Variants in ENTPD6 observed in about 807,000 individuals in gnomAD.
The protein encoded by ENTPD6 is ectonucleoside triphosphate diphosphohydrolase 6, also known as CD39 antigen-like 2.
ENTPD6 carries 46 observed loss-of-function variants against 61.5 expected under a neutral mutation model. The observed-to-expected ratio is 0.75, with a 90% confidence interval of 0.59 to 0.96. ENTPD6 has a LOEUF of 0.96. Among genes scored for constraint, ENTPD6 ranks in the 40% least tolerant of loss-of-function variants. The pLI is 0.00. For missense variants in ENTPD6, 612 were observed against 629.0 expected (o/e 0.97, Z 0.29); for synonymous variants, 252 against 255.5 (o/e 0.99, Z 0.13).
intron 14 of ENTPD6, 38 bp from the exon 15 acceptor site, chr20:25,225,461 C>T (rs754610024): frequency 1.3e-6 from 2 of 1,599,828 alleles, no homozygotes; most frequent in South Asian, 1.1e-5. Flanking sequence ...GCTTTCCTGT[C>T]TGTGTGATGG....
intron 13 of ENTPD6, 105 bp from the exon 14 acceptor site, chr20:25,225,100 C>A: frequency 1.3e-6 from 2 of 1,488,938 alleles, no homozygotes; most frequent in Non-Finnish European, 1.8e-6. Context: ...ATCCGGAGTG[C>A]GGAGCCAGCG....
At chr20:25,219,930 A>C (rs2092554899) in intron 10 of ENTPD6, among the ~76,000 whole-genome samples, 1 of 152,226 alleles carries the variant, frequency 6.6e-6, no homozygotes, top group African/African-American at 2.4e-5. Flanking sequence ...TCTCAGAAAC[A>C]GCTGCAGCCC....
chr20:25,223,987 A>C, intron 12 of ENTPD6, 114 bp from the exon 13 acceptor site: 1 of 930,334 alleles, frequency 1.1e-6, no homozygotes, highest in Non-Finnish European at 1.6e-6. Context: ...CTGCCTCAGA[A>C]GCCAGTCAGT....
chr20:25,224,202 G>A (rs768113305), intron 13 of ENTPD6, 45 bp downstream of exon 13: 9 of 1,563,082 alleles, frequency 5.8e-6, no homozygotes, highest in East Asian at 4.5e-5. Context: ...CAGGCGCCCC[G>A]TGATGCTCGT....
intron 1 of ENTPD6, among the ~76,000 whole-genome samples, chr20:25,196,493 A>G (rs1175657369): frequency 3.9e-5 from 6 of 152,200 alleles, no homozygotes; most frequent in Non-Finnish European, 8.8e-5. Flanking sequence ...GGGAGGGCCC[A>G]GGGGAGCGTG....
In ENTPD6 at chr20:25,225,910, CCA is replaced by C. The variant is rs1351532974; in HGVS notation, c.*314_*315del. 3.7e-6 allele frequency: 1 copy of C among 271,076 alleles called. No individual in the cohort carries two copies. Among genetic ancestry groups the C allele is most frequent in the African/African-American group, 2.2e-5 (1 of 45,296 alleles). The allele number at this position is 271,076 out of a possible 1,614,324, so 16.8% of individuals were successfully genotyped here. ...GTGTGGCTCCCTGCCTGTCCCATCC[CCA>C]TGCCCCGTCCGCGGGGCTGTGGCTG... On this transcript the variant is annotated 3_prime_UTR_variant, in exon 15 of 15. Coordinates refer to ENST00000376652, the MANE Select transcript of ENTPD6 (RefSeq NM_001247.5).
intron 4 of ENTPD6, among the ~76,000 whole-genome samples, chr20:25,211,152 T>C (rs889325972): frequency 1.3e-5 from 2 of 152,194 alleles, no homozygotes; most frequent in African/African-American, 4.8e-5. Context: ...TTCCATTTGG[T>C]TCAAGCATTT....
rs2090896661 is a variant in ENTPD6, at chr20:25,199,943, A to C, written c.-16+4076A>C. On this transcript the variant is annotated intron_variant, in intron 1 of 14. Transcript: ENST00000376652. The stretch of plus-strand genomic sequence containing the variant: ...TCTGTTGTGAATAATGCTTCAGTGA[A>C]TGTGAGTGTGTAGATATCTCTTTAA... Among the ~76,000 whole-genome samples, 4 of 152,348 alleles carry C rather than the reference A, an allele frequency of 2.6e-5. No individual in the cohort carries two copies. In the South Asian group the frequency reaches 8.3e-4, roughly 32 times the overall value.
intron 1 of ENTPD6, among the ~76,000 whole-genome samples, chr20:25,204,788 G>A (rs949153207): frequency 3.3e-5 from 5 of 152,198 alleles, no homozygotes; most frequent in African/African-American, 1.2e-4. Context: ...TCATCAGGTG[G>A]TGCCATGCTG....
At position 25,214,815 on chromosome 20, in the gene ENTPD6, A is replaced by G. The variant is rs74484462; in HGVS notation, c.598-52A>G. ...TAGCTAGCTAGCTAAATAAATAAAT[A>G]TATTCATTCATTCATTCTAAAGGAT... On this transcript the variant is annotated intron_variant, in intron 5 of 14. Coordinates refer to ENST00000376652, the MANE Select transcript of ENTPD6 (RefSeq NM_001247.5). 3.0e-3 allele frequency: 3,217 copies of G among 1,080,292 alleles called. 54 individuals are homozygous for G. The African/African-American group carries it at 0.04, about 13-fold the overall frequency. The allele number at this position is 1,080,292 out of a possible 1,614,324, so 66.9% of individuals were successfully genotyped here.
Position 25,213,355 on chromosome 20 carries a change from A to G in ENTPD6, c.546A>G (p.Thr182=), listed in dbSNP as rs2092108023. ...CCACCCCTCTGGTCCTCAAGGCCAC[A>G]GCTGGCTTACGCCTGTTACCTGGAG... is the stretch of plus-strand genomic sequence containing the variant. ...WKATPLVLKA[T]AGLRLLPGEK... The change falls in exon 5 of 15, where the codon ACA becomes ACG. Residue 182 remains threonine, a synonymous_variant. Transcript: ENST00000376652. 2 of 1,614,196 alleles carry G rather than the reference A, an allele frequency of 1.2e-6. No homozygotes were observed. The highest frequency in any genetic ancestry group is 1.7e-6 in the Non-Finnish European group (2 of 1,180,004).
chr20:25,224,210 C>G (rs769352813), intron 13 of ENTPD6, 53 bp downstream of exon 13: 46 of 1,542,362 alleles, frequency 3.0e-5, no homozygotes, highest in Non-Finnish European at 4.0e-5. Flanking sequence ...CCGTGATGCT[C>G]GTGACGCAGG....
chr20:25,199,025 GC>G (rs1386770822), intron 1 of ENTPD6, among the ~76,000 whole-genome samples: 2 of 152,108 alleles, frequency 1.3e-5, no homozygotes, highest in African/African-American at 2.4e-5. Flanking sequence ...TCCTCCTACT[GC>G]CCGTTTTCCC....
intron 1 of ENTPD6, among the ~76,000 whole-genome samples, chr20:25,200,657 A>G (rs1336749891): frequency 2.0e-5 from 3 of 152,166 alleles, no homozygotes; most frequent in Admixed American, 2.0e-4. Context: ...ATTCCAGATT[A>G]CAGCTATTTG....
chr20:25,200,829 C>T (rs2090972265), intron 1 of ENTPD6, among the ~76,000 whole-genome samples: 1 of 147,740 alleles, frequency 6.8e-6, no homozygotes, highest in Admixed American at 6.6e-5. Context: ...TTTTTTCCTC[C>T]TCCTTTTTTC....
At chr20:25,217,706 AG>A in intron 9 of ENTPD6, 125 bp downstream of exon 9, 1 of 801,194 alleles carries the variant, frequency 1.2e-6, no homozygotes, top group South Asian at 1.5e-5. Flanking sequence ...GAATCCACCC[AG>A]ACCTCTCTCT....
rs1271485442 is a variant in ENTPD6, at chr20:25,208,702, A to G, written c.377-1147A>G. On this transcript the variant is annotated intron_variant, in intron 3 of 14. Transcript: ENST00000376652. The stretch of plus-strand genomic sequence containing the variant: ...CACTCCTAATAATTTAAAACACTCC[A>G]TTTTTTAAAATGAAGAAAATACCCT... Among the ~76,000 whole-genome samples, 3 of 152,132 alleles carry G rather than the reference A, an allele frequency of 2.0e-5. No individual in the cohort carries two copies. The East Asian group carries it at 5.8e-4, about 29-fold the overall frequency.
chr20:25,201,262 A>C (rs970204448), intron 1 of ENTPD6, among the ~76,000 whole-genome samples: 1 of 151,792 alleles, frequency 6.6e-6, no homozygotes, highest in Admixed American at 6.6e-5. Context: ...GCTCCGTTAC[A>C]CTCTTGCTCT....
rs1568627033 is a variant in ENTPD6 at position 25,213,346 on chromosome 20, C to T, written c.537C>T (p.Leu179=). ...TCTGGAAGGCCACCCCTCTGGTCCT[C>T]AAGGCCACAGCTGGCTTACGCCTGT... ...FDFWKATPLV[L]KATAGLRLLP... Residue 179 remains leucine (L), a synonymous_variant, in exon 5 of 15, where the codon CTC becomes CTT. Coordinates refer to ENST00000376652, the MANE Select transcript of ENTPD6 (RefSeq NM_001247.5). 2 of 1,614,192 alleles carry T rather than the reference C, an allele frequency of 1.2e-6. No homozygotes were observed. Among genetic ancestry groups the T allele is most frequent in the South Asian group, 2.2e-5 (2 of 91,072 alleles).
Sources: allele counts gnomAD v4.1 joint callset (sites outside exome capture counted in the v4.1 genomes callset), GRCh38; gene constraint gnomAD v4.1.1; transcripts MANE v1.5; gene names NCBI Gene and HGNC (gene_info 2026-07-23, HGNC 2026-07-21).